Variants in TBC1D14 observed in about 807,000 individuals in gnomAD.
TBC1D14 encodes the protein TBC1 domain family member 14.
Under a neutral mutation model 79.0 loss-of-function variants are expected in TBC1D14, and 26 were observed. The ratio of observed to expected loss-of-function variants is 0.33; its 90% CI spans 0.24 to 0.46. The LOEUF is 0.46. TBC1D14 is among the 20% of genes least tolerant of loss of function. TBC1D14 has a pLI of 1.00. For missense variants in TBC1D14, 769 were observed against 887.6 expected, an observed-to-expected ratio of 0.87 and a Z score of 1.70; for synonymous variants, 394 against 349.9, an observed-to-expected ratio of 1.13 and a Z score of -1.40.
chr4:6,968,875 C>T (rs1715961747), intron 3 of TBC1D14, among the ~76,000 whole-genome samples: 1 of 152,216 alleles, frequency 6.6e-6, no homozygotes, highest in Non-Finnish European at 1.5e-5. Context: ...TGGGGTCTGG[C>T]CCAGTGCTGC....
chr4:6,991,782 T>C (rs1718522526), intron 3 of TBC1D14, among the ~76,000 whole-genome samples: 1 of 152,136 alleles, frequency 6.6e-6, no homozygotes, highest in African/African-American at 2.4e-5. Flanking sequence ...GTTAACCCAG[T>C]GTGCACGCGT....
intron 3 of TBC1D14, among the ~76,000 whole-genome samples, chr4:6,969,047 C>T (rs903648042): frequency 5.3e-5 from 8 of 152,276 alleles, no homozygotes; most frequent in African/African-American, 1.7e-4. Flanking sequence ...ACATTCTTCA[C>T]GCGTCGGCAG....
chr4:7,024,873 C>T (rs1427836699), intron 12 of TBC1D14, 131 bp from the exon 13 acceptor site: 1 of 1,232,810 alleles, frequency 8.1e-7, no homozygotes. Flanking sequence ...GAGTGCAGGC[C>T]TGGCCCTGGC....
chr4:6,963,077 G>A (rs1333268802), intron 2 of TBC1D14, among the ~76,000 whole-genome samples: 1 of 152,260 alleles, frequency 6.6e-6, no homozygotes, highest in Non-Finnish European at 1.5e-5. Flanking sequence ...AGAATGGAGG[G>A]AATGCCCTGT....
At chr4:6,962,065 A>G (rs1266660243) in intron 2 of TBC1D14, among the ~76,000 whole-genome samples, 1 of 152,108 alleles carries the variant, frequency 6.6e-6, no homozygotes, top group African/African-American at 2.4e-5. Flanking sequence ...TTTTAGAAAG[A>G]AGAAATGGTT....
chr4:6,945,176 A>G (rs1470830307), intron 2 of TBC1D14, among the ~76,000 whole-genome samples: 1 of 152,198 alleles, frequency 6.6e-6, no homozygotes, highest in African/African-American at 2.4e-5. Context: ...AAAGGAGACA[A>G]GGGCTCCAGG....
At chr4:6,993,382 C>T (rs970136627) in intron 3 of TBC1D14, among the ~76,000 whole-genome samples, 8 of 152,132 alleles carry the variant, frequency 5.3e-5, no homozygotes, top group Admixed American at 2.0e-4. Context: ...TGTGGGTCAC[C>T]GGGTGTGAAT....
chr4:6,976,407 C>T (rs1052755347), intron 3 of TBC1D14, among the ~76,000 whole-genome samples: 3 of 152,012 alleles, frequency 2.0e-5, no homozygotes, highest in African/African-American at 7.2e-5. Context: ...AAAATAAAGA[C>T]AAAAAAATCA....
rs1560378157 is a variant in TBC1D14, at chr4:7,031,100, A to G, written c.*708A>G. On this transcript the variant is annotated 3_prime_UTR_variant, in exon 14 of 14. Transcript: ENST00000409757. ...TGGCATCGGTCCTGCGGAGGTGGAA[A>G]GTTCGAGAGGAGGAGCTATTTGCGA... is the stretch of plus-strand genomic sequence containing the variant. 1 of 152,396 alleles carries G rather than the reference A, an allele frequency of 6.6e-6. No individual in the cohort carries two copies. 9.4% of individuals were successfully genotyped at this position (152,396 alleles called of 1,614,324 possible). A position where few individuals can be genotyped will look rare whatever the true frequency, so the allele number is the denominator to read the frequency against.
At chr4:6,941,459 C>A (rs1712901270) in intron 2 of TBC1D14, among the ~76,000 whole-genome samples, 2 of 152,146 alleles carry the variant, frequency 1.3e-5, no homozygotes, top group Admixed American at 6.5e-5. Context: ...TGCTGGGATT[C>A]CTGGCATGAG....
intron 13 of TBC1D14, among the ~76,000 whole-genome samples, chr4:7,027,773 A>C: frequency 7.9e-6 from 1 of 127,146 alleles, no homozygotes; most frequent in African/African-American, 3.0e-5. Context: ...CACACACATC[A>C]CACATCCATA....
chr4:6,968,688 C>CCGGGAGGAGGCTGACT (rs55781424), intron 3 of TBC1D14, among the ~76,000 whole-genome samples: 83 of 144,472 alleles, frequency 5.7e-4, no homozygotes, highest in Middle Eastern at 3.8e-3. Context: ...GGAGGCTGAC[C>CCGGGAGGAGGCTGACT]GCCGAGAGGA....
intron 2 of TBC1D14, among the ~76,000 whole-genome samples, chr4:6,929,089 C>T (rs1724511860): frequency 6.6e-6 from 1 of 152,112 alleles, no homozygotes; most frequent in African/African-American, 2.4e-5. Flanking sequence ...TATGGACCTG[C>T]ATTGCTGCTG....
intron 6 of TBC1D14, among the ~76,000 whole-genome samples, chr4:7,000,397 T>C (rs1719540115): frequency 6.6e-6 from 1 of 152,220 alleles, no homozygotes; most frequent in South Asian, 2.1e-4. Context: ...TTTCATCGTC[T>C]TGACTTTCGA....
intron 1 of TBC1D14, among the ~76,000 whole-genome samples, chr4:6,916,326 C>T (rs563758953): frequency 6.6e-6 from 1 of 152,078 alleles, no homozygotes; most frequent in African/African-American, 2.4e-5. Flanking sequence ...GCTTCGTGCT[C>T]CAGCCCTGCG....
chr4:6,967,545 C>A, intron 3 of TBC1D14, 121 bp downstream of exon 3: 1 of 1,270,222 alleles, frequency 7.9e-7, no homozygotes, highest in Non-Finnish European at 1.1e-6. Context: ...TATCTGCATA[C>A]CACGTTCCTC....
chr4:6,941,236 A>ATC (rs1712877284), intron 2 of TBC1D14, among the ~76,000 whole-genome samples: 1 of 124,584 alleles, frequency 8.0e-6, no homozygotes, highest in African/African-American at 3.2e-5. Context: ...CCCAGGCTGG[A>ATC]GTGCAATGGC....
At chr4:7,011,840 G>A (rs974728675) in intron 11 of TBC1D14, among the ~76,000 whole-genome samples, 30 of 151,880 alleles carry the variant, frequency 2.0e-4, no homozygotes, top group African/African-American at 7.3e-4. Flanking sequence ...TTACAGGCGT[G>A]AGCCACTGTG....
chr4:7,018,254 G>A (rs984635234), intron 12 of TBC1D14, among the ~76,000 whole-genome samples: 3 of 152,210 alleles, frequency 2.0e-5, no homozygotes, highest in Non-Finnish European at 2.9e-5. Flanking sequence ...GGGCTCAGCA[G>A]CTAACTGCCT....
Sources: gnomAD v4.1 joint callset for allele counts (sites outside exome capture counted in the v4.1 genomes callset) on GRCh38, gnomAD v4.1.1 for gene constraint, MANE v1.5 for transcripts, NCBI Gene and HGNC (gene_info 2026-07-23, HGNC 2026-07-21) for gene names.